MACROD2: variants seen among roughly 807,000 people sequenced by gnomAD.
The protein encoded by MACROD2 is mono-ADP ribosylhydrolase 2, also known as ADP-ribose glycohydrolase MACROD2.
A neutral mutation model predicts 70.4 loss-of-function variants in MACROD2; 36 were observed. The observed-to-expected ratio is 0.51, with a 90% CI of 0.39 to 0.68. The LOEUF (loss-of-function observed/expected upper bound fraction) is 0.68. Ranked by LOEUF, MACROD2 falls within the 30% of genes least tolerant of loss-of-function variation. MACROD2 has a pLI of 0.00. For missense variants in MACROD2, 496 were observed against 538.4 expected (o/e 0.92, Z 0.78); for synonymous variants, 172 against 178.8 (o/e 0.96, Z 0.30).
chr20:15,466,469 C>T (rs140997956), intron 7 of MACROD2, among the ~76,000 whole-genome samples: 135 of 152,268 alleles, frequency 8.9e-4, no homozygotes, highest in African/African-American at 2.8e-3. Context: ...ACAAAGTGAA[C>T]GGTGGCATTT....
chr20:15,886,577 T>C (rs1464511961), intron 10 of MACROD2, among the ~76,000 whole-genome samples: 3 of 152,128 alleles, frequency 2.0e-5, no homozygotes, highest in African/African-American at 7.2e-5. Flanking sequence ...TACTATATTT[T>C]GCTCTCATTA....
At position 14,870,980 on chromosome 20, in the gene MACROD2, T is replaced by C. The variant is rs1227989897; in HGVS notation, c.418+186021T>C. ...GATCACATTTGTCAATTTTTGCTTT[T>C]GTTGCAATTGCTTTTAGTGTCTTCA... is the stretch of plus-strand genomic sequence containing the variant. On this transcript the variant is annotated intron_variant, in intron 5 of 17. Coordinates refer to ENST00000684519, the MANE Select transcript of MACROD2 (RefSeq NM_001351661.2). Among the ~76,000 whole-genome samples, 3 of 152,184 alleles carry C rather than the reference T, an allele frequency of 2.0e-5. No individual in the cohort carries two copies. In the East Asian group the frequency reaches 5.8e-4, roughly 29 times the overall value.
At chr20:14,638,239 AT>A (rs1307544959) in intron 4 of MACROD2, among the ~76,000 whole-genome samples, 1 of 152,158 alleles carries the variant, frequency 6.6e-6, no homozygotes, top group Non-Finnish European at 1.5e-5. Flanking sequence ...GTATCAGATG[AT>A]TTTTTAAAAT....
In MACROD2 at chr20:14,916,785, T is replaced by TAAGTATAATTCCCGTATTCCCTGC. The variant is rs1224421653; in HGVS notation, c.418+231827_418+231850dup. Among the ~76,000 whole-genome samples, 33 of 152,152 alleles carry TAAGTATAATTCCCGTATTCCCTGC rather than the reference T, an allele frequency of 2.2e-4. 1 individual carries two copies. Among genetic ancestry groups the TAAGTATAATTCCCGTATTCCCTGC allele is most frequent in the Admixed American group, 5.2e-4 (8 of 15,266 alleles). On this transcript the variant is annotated intron_variant, in intron 5 of 17. Transcript: ENST00000684519. ...TTTAGAAGGGCAAATCTTTTCCATG[T>TAAGTATAATTCCCGTATTCCCTGC]AAGTATAATTCCCGTATTCCCTGCC... is the stretch of plus-strand genomic sequence containing the variant.
chr20:14,973,777 A>G (rs776964161), intron 5 of MACROD2, among the ~76,000 whole-genome samples: 1 of 152,176 alleles, frequency 6.6e-6, no homozygotes. Flanking sequence ...GTACTCTTGG[A>G]GTAACATATA....
At position 14,767,798 on chromosome 20, in the gene MACROD2, A is replaced by C. The variant is rs1342938337; in HGVS notation, c.418+82839A>C. ...AATGCTATCCGTCCTCTAGTCCCCCACCCCCTGACAGGCCCCGGTGTGTGA... is the reference window on the plus strand; with the variant it reads ...AATGCTATCCGTCCTCTAGTCCCCCCCCCCCTGACAGGCCCCGGTGTGTGA... On this transcript the variant is annotated intron_variant, in intron 5 of 17. Transcript: ENST00000684519. Among the ~76,000 whole-genome samples, 2 of 147,074 alleles carry C rather than the reference A, an allele frequency of 1.4e-5. 1 individual carries two copies. Among genetic ancestry groups the C allele is most frequent in the African/African-American group, 5.0e-5 (2 of 39,708 alleles).
intron 5 of MACROD2, among the ~76,000 whole-genome samples, chr20:14,954,645 A>G (rs1257934869): frequency 1.5e-5 from 2 of 130,070 alleles, no homozygotes; most frequent in African/African-American, 5.9e-5. Context: ...AATATATAAT[A>G]TATATAATTT....
chr20:16,042,124 A>G (rs981387528), intron 16 of MACROD2, among the ~76,000 whole-genome samples: 7 of 152,064 alleles, frequency 4.6e-5, no homozygotes, highest in African/African-American at 1.7e-4. Flanking sequence ...ATAGTTTTAA[A>G]TAGAATTTCC....
intron 5 of MACROD2, among the ~76,000 whole-genome samples, chr20:15,215,224 A>AT (rs533005599): frequency 5.9e-4 from 85 of 143,966 alleles, no homozygotes; most frequent in Non-Finnish European, 1.1e-3. Context: ...AATATTGAAT[A>AT]TTTTTTTTCT....
chr20:15,309,929 C>A (rs6034153), intron 6 of MACROD2, among the ~76,000 whole-genome samples: 26,763 of 152,078 alleles, frequency 0.18, 2,613 homozygotes, highest in Non-Finnish European at 0.22. Context: ...GGTTTAGAGT[C>A]CAATGTGGCT....
intron 5 of MACROD2, among the ~76,000 whole-genome samples, chr20:14,940,747 C>T (rs1314281308): frequency 6.6e-6 from 1 of 152,066 alleles, no homozygotes; most frequent in Non-Finnish European, 1.5e-5. Flanking sequence ...ATGAATTCCA[C>T]CTGATCTTGG....
At chr20:14,104,418 T>C (rs1569160561) in intron 3 of MACROD2, among the ~76,000 whole-genome samples, 1 of 152,214 alleles carries the variant, frequency 6.6e-6, no homozygotes, top group Non-Finnish European at 1.5e-5. Flanking sequence ...TCAATGTCAC[T>C]GCTTCTCCTC....
chr20:15,232,641 A>T (rs1440088712), intron 6 of MACROD2, among the ~76,000 whole-genome samples: 1 of 152,064 alleles, frequency 6.6e-6, no homozygotes, highest in Non-Finnish European at 1.5e-5. Context: ...AGATGTTTTC[A>T]CACCTCATGA....
chr20:15,109,915 T>G (rs2075941673), intron 5 of MACROD2, among the ~76,000 whole-genome samples: 1 of 152,036 alleles, frequency 6.6e-6, no homozygotes, highest in Admixed American at 6.6e-5. Flanking sequence ...GTTTTGTATT[T>G]GGGAGATTGG....
intron 10 of MACROD2, among the ~76,000 whole-genome samples, chr20:15,894,619 C>G (rs2064941509): frequency 6.6e-6 from 1 of 152,172 alleles, no homozygotes; most frequent in South Asian, 2.1e-4. Context: ...GACCCCTCCT[C>G]TACACAAGGA....
intron 5 of MACROD2, among the ~76,000 whole-genome samples, chr20:14,988,113 C>T (rs911453994): frequency 6.6e-6 from 1 of 151,924 alleles, no homozygotes; most frequent in Non-Finnish European, 1.5e-5. Context: ...CCTGTAATCC[C>T]AGCACTTTGG....
chr20:15,058,734 A>G lies in MACROD2; in HGVS notation c.419-171206A>G, dbSNP rs2075507727. Among the ~76,000 whole-genome samples the G allele has an allele frequency of 2.0e-5, 3 of 152,348 alleles. No homozygotes were observed. The South Asian group carries it at 6.2e-4, about 32-fold the overall frequency. ...AAAGAGCTTCGTAGAGCAACTGAATATGTTATAAACTTTTCCTTCTTTTTA... is the reference window on the plus strand; with the variant it reads ...AAAGAGCTTCGTAGAGCAACTGAATGTGTTATAAACTTTTCCTTCTTTTTA... On this transcript the variant is annotated intron_variant, in intron 5 of 17. Transcript: ENST00000684519.
intron 3 of MACROD2, among the ~76,000 whole-genome samples, chr20:14,392,771 A>G (rs142129859): frequency 0.014 from 2,108 of 152,194 alleles, 23 homozygotes; most frequent in Admixed American, 0.021. Flanking sequence ...GTGGCTCCCA[A>G]TGGAGTCCCA....
At chr20:14,800,602 A>C (rs1272459974) in intron 5 of MACROD2, among the ~76,000 whole-genome samples, 1 of 152,130 alleles carries the variant, frequency 6.6e-6, no homozygotes, top group African/African-American at 2.4e-5. Context: ...TTCCACTGGG[A>C]AATTTTTTCC....
Sources: gnomAD v4.1 joint callset for allele counts (sites outside exome capture counted in the v4.1 genomes callset) on GRCh38, gnomAD v4.1.1 for gene constraint, MANE v1.5 for transcripts, NCBI Gene and HGNC (gene_info 2026-07-23, HGNC 2026-07-21) for gene names.